PTGER4: variants seen among roughly 807,000 people sequenced by gnomAD.
PTGER4 encodes the protein prostaglandin E receptor 4, also known as prostaglandin E2 receptor EP4 subtype.
PTGER4 carries 11 observed loss-of-function variants against 33.2 expected under a neutral mutation model. The ratio of observed to expected loss-of-function variants is 0.33; its 90% confidence interval spans 0.21 to 0.55. PTGER4 has a LOEUF of 0.55. Among genes scored for constraint, PTGER4 ranks in the 20% least tolerant of loss-of-function variants. The probability of loss-of-function intolerance (pLI) is 0.92; values close to 1 mark genes in which losing one functional copy is unlikely to be tolerated. For missense variants in PTGER4, 481 were observed against 650.2 expected (o/e 0.74, Z 2.83); for synonymous variants, 275 against 281.5 (o/e 0.98, Z 0.23).
At chr5:40,720,611 G>C in the PTGER4 span, among the ~76,000 whole-genome samples, 1 of 152,168 alleles carries the variant, frequency 6.6e-6, no homozygotes, top group African/African-American at 2.4e-5. Context: ...CAGCAAGATG[G>C]CAGAGTGGGA....
At chr5:40,716,302 A>G in the PTGER4 span, 9 of 1,614,212 alleles carry the variant, frequency 5.6e-6, no homozygotes, top group Non-Finnish European at 6.8e-6. Context: ...AACAGCAACA[A>G]TCTCATCACT....
downstream of PTGER4, among the ~76,000 whole-genome samples, chr5:40,696,466 C>T (rs1271390268): frequency 6.6e-6 from 1 of 152,150 alleles, no homozygotes; most frequent in Non-Finnish European, 1.5e-5. Context: ...AAACAAGACG[C>T]TTACAACAAG....
chr5:40,742,197 C>T, the PTGER4 span, among the ~76,000 whole-genome samples: 1 of 152,088 alleles, frequency 6.6e-6, no homozygotes, highest in Middle Eastern at 3.4e-3. Context: ...GAAATCCATG[C>T]CTACTTTTTA....
the PTGER4 span, chr5:40,730,417 T>C: frequency 8.4e-7 from 1 of 1,190,474 alleles, no homozygotes; most frequent in East Asian, 2.4e-5. Flanking sequence ...AAATTTTTAT[T>C]GTAGTAAAAT....
the PTGER4 span, among the ~76,000 whole-genome samples, chr5:40,721,039 G>A: frequency 6.6e-6 from 1 of 152,150 alleles, no homozygotes; most frequent in African/African-American, 2.4e-5. Flanking sequence ...TGTTCCCCCA[G>A]CTTGGCATAC....
In PTGER4 at chr5:40,681,539, C is replaced by T. The variant is rs1428454694; in HGVS notation, c.546C>T (p.Ala182=). ...GGACCACCAACGTGACGGCGCACGCCGCCTACTCCTACATGTACGCGGGCT... is the reference window on the plus strand; with the variant it reads ...GGACCACCAACGTGACGGCGCACGCTGCCTACTCCTACATGTACGCGGGCT... ...IDWTTNVTAH[A]AYSYMYAGFS... The change falls in exon 2 of 3, where the codon GCC becomes GCT. Residue 182 remains alanine (A), a synonymous_variant. Coordinates refer to ENST00000302472, the MANE Select transcript of PTGER4 (RefSeq NM_000958.3). This position sits in a 1 kb window ranked among gnomAD's most constrained non-coding sequence, Gnocchi z 9.8. 2 of 1,612,488 alleles carry T rather than the reference C, an allele frequency of 1.2e-6. No homozygotes were observed. The highest frequency in any genetic ancestry group is 1.7e-6 in the Non-Finnish European group (2 of 1,180,048).
chr5:40,741,279 T>A, the PTGER4 span, among the ~76,000 whole-genome samples: 2 of 152,162 alleles, frequency 1.3e-5, no homozygotes, highest in African/African-American at 4.8e-5. Flanking sequence ...TAGCCTTCCC[T>A]CTAGGGATAG....
At chr5:40,713,539 C>T in the PTGER4 span, among the ~76,000 whole-genome samples, 1 of 152,070 alleles carries the variant, frequency 6.6e-6, no homozygotes, top group South Asian at 2.1e-4. Flanking sequence ...ACTTGCATGG[C>T]TTTTCAATGT....
chr5:40,688,199 T>G (rs2111803505), intron 2 of PTGER4, among the ~76,000 whole-genome samples: 1 of 152,284 alleles, frequency 6.6e-6, no homozygotes, highest in African/African-American at 2.4e-5. Flanking sequence ...ATAAAACATT[T>G]TCAGTGTCAA....
chr5:40,725,181 T>C, the PTGER4 span, among the ~76,000 whole-genome samples: 1 of 148,724 alleles, frequency 6.7e-6, no homozygotes, highest in Non-Finnish European at 1.5e-5. Flanking sequence ...AAATATAGGA[T>C]CTTGCCATGC....
the PTGER4 span, among the ~76,000 whole-genome samples, chr5:40,740,087 C>T: frequency 2.9e-4 from 44 of 151,936 alleles, no homozygotes; most frequent in African/African-American, 1.1e-3. Flanking sequence ...TCCATTTATC[C>T]CTTCATGCTA....
At chr5:40,733,365 A>G in the PTGER4 span, among the ~76,000 whole-genome samples, 2 of 152,094 alleles carry the variant, frequency 1.3e-5, no homozygotes, top group African/African-American at 4.8e-5. Flanking sequence ...ACAACTATTC[A>G]ACTCTATTAC....
chr5:40,735,642 C>G, the PTGER4 span, among the ~76,000 whole-genome samples: 3 of 152,112 alleles, frequency 2.0e-5, no homozygotes, highest in African/African-American at 7.2e-5. Context: ...TCCACAAACA[C>G]AGATGATTGT....
In PTGER4 at chr5:40,692,546, A is replaced by C. The variant is rs1181707669; in HGVS notation, c.*168A>C. On this transcript the variant is annotated 3_prime_UTR_variant, in exon 3 of 3. Coordinates refer to ENST00000302472, the MANE Select transcript of PTGER4 (RefSeq NM_000958.3). ...ACTTTTCAAACAATCAAGTTGACTC[A>C]CGTGGGTCCTGAGGCCTGCAGCACG... 7.0e-7 allele frequency: 1 copy of C among 1,421,734 alleles called. No homozygotes were observed. The highest frequency in any genetic ancestry group is 1.4e-5 in the African/African-American group (1 of 69,616). The allele number at this position is 1,421,734 out of a possible 1,614,324, so 88.1% of individuals were successfully genotyped here.
the PTGER4 span, among the ~76,000 whole-genome samples, chr5:40,742,220 A>G: frequency 1.3e-5 from 2 of 152,026 alleles, no homozygotes; most frequent in Non-Finnish European, 2.9e-5. Context: ...GTATTTTTGT[A>G]TCCGTTATTG....
At chr5:40,697,593 A>C (rs915600768), downstream of PTGER4, among the ~76,000 whole-genome samples, 6 of 125,478 alleles carry the variant, frequency 4.8e-5, no homozygotes, top group African/African-American at 1.2e-4. Context: ...CAAAAAAAAA[A>C]CAAAAAAACA....
chr5:40,681,968 G>A lies in PTGER4; in HGVS notation c.867+108G>A. The A allele has an allele frequency of 7.5e-7, 1 of 1,340,510 alleles. No homozygotes were observed. Among genetic ancestry groups the A allele is most frequent in the East Asian group, 2.7e-5 (1 of 37,394 alleles). 83.0% of individuals were successfully genotyped at this position (1,340,510 alleles called of 1,614,324 possible). A position where few individuals can be genotyped will look rare whatever the true frequency, so the allele number is the denominator to read the frequency against. On this transcript the variant is annotated intron_variant, in intron 2 of 2. Transcript: ENST00000302472. The surrounding 1 kb of genome is among the most constrained non-coding windows in gnomAD (Gnocchi z 9.8). ...CTGAGTCCTTGGCAGTGAACGTGTCGCCTTTAGGTCGGGGCTGGGATTCCC... is the reference window on the plus strand; with the variant it reads ...CTGAGTCCTTGGCAGTGAACGTGTCACCTTTAGGTCGGGGCTGGGATTCCC...
At chr5:40,731,296 C>T in the PTGER4 span, among the ~76,000 whole-genome samples, 1 of 152,164 alleles carries the variant, frequency 6.6e-6, no homozygotes, top group Non-Finnish European at 1.5e-5. Flanking sequence ...TACCTGTGCT[C>T]CACTCAGCAG....
Position 40,681,527 on chromosome 5 carries a change from G to T in PTGER4, c.534G>T (p.Val178=). 6.2e-7 allele frequency: 1 copy of T among 1,612,864 alleles called. No individual in the cohort carries two copies. Residue 178 remains valine, a synonymous_variant, in exon 2 of 3, where the codon GTG becomes GTT. Transcript: ENST00000302472. The surrounding 1 kb of genome is among the most constrained non-coding windows in gnomAD (Gnocchi z 9.8). ...TWCFIDWTTN[V]TAHAAYSYMY... is the part of the protein sequence containing the mutation. ...GCTTCATCGACTGGACCACCAACGT[G>T]ACGGCGCACGCCGCCTACTCCTACA...
Sources: gnomAD v4.1 joint callset for allele counts (sites outside exome capture counted in the v4.1 genomes callset) on GRCh38, gnomAD v4.1.1 for gene constraint, Gnocchi (gnomAD v3.1) non-coding constraint, MANE v1.5 for transcripts, NCBI Gene and HGNC (gene_info 2026-07-23, HGNC 2026-07-21) for gene names.